SMARCC1: variants seen among roughly 807,000 people sequenced by gnomAD.
SMARCC1 encodes SWI/SNF complex subunit SMARCC1.
In SMARCC1, 43 loss-of-function variants were observed where a neutral mutation model predicts 147.4. That is an observed-to-expected ratio of 0.29 (90% CI 0.23 to 0.38). SMARCC1 has a LOEUF of 0.38. Ranked by LOEUF, SMARCC1 falls within the 10% of genes least tolerant of loss-of-function variation. SMARCC1 has a pLI of 1.00. For synonymous variants in SMARCC1, 495 were observed against 484.4 expected, an observed-to-expected ratio of 1.02 and a Z score of -0.29; for missense variants, 1,119 against 1,381.1, an observed-to-expected ratio of 0.81 and a Z score of 3.01.
intron 26 of SMARCC1, among the ~76,000 whole-genome samples, chr3:47,606,410 A>G (rs1322403697): frequency 1.3e-5 from 2 of 152,188 alleles, no homozygotes; most frequent in African/African-American, 4.8e-5. Flanking sequence ...CTTGCCATGC[A>G]TCAGTTCTTC....
intron 11 of SMARCC1, among the ~76,000 whole-genome samples, chr3:47,697,986 C>T (rs552823668): frequency 1.5e-4 from 15 of 103,076 alleles, no homozygotes; most frequent in South Asian, 3.6e-4. Context: ...CCAGCCTGGG[C>T]GAGAGCGAGC....
At chr3:47,778,294 TG>T (rs1486758136) in intron 1 of SMARCC1, among the ~76,000 whole-genome samples, 2 of 151,650 alleles carry the variant, frequency 1.3e-5, no homozygotes, top group African/African-American at 2.4e-5. Flanking sequence ...TTTTTGTTTT[TG>T]TTTTTTGTTT....
chr3:47,715,595 G>C (rs1050064517), intron 7 of SMARCC1, among the ~76,000 whole-genome samples: 1 of 152,124 alleles, frequency 6.6e-6, no homozygotes, highest in Non-Finnish European at 1.5e-5. Context: ...TTTTCACATA[G>C]CCATTGTGAT....
At chr3:47,678,083 C>A in intron 16 of SMARCC1, 115 bp downstream of exon 16, 1 of 485,454 alleles carries the variant, frequency 2.1e-6, no homozygotes, top group Non-Finnish European at 3.7e-6. Context: ...AATGGCATAA[C>A]TAAAATTAGG....
chr3:47,738,565 TC>T (rs1267672290), intron 3 of SMARCC1, among the ~76,000 whole-genome samples: 4 of 151,864 alleles, frequency 2.6e-5, no homozygotes, highest in African/African-American at 9.7e-5. Flanking sequence ...ACACCTGTAA[TC>T]CCAGCTACTC....
intron 13 of SMARCC1, among the ~76,000 whole-genome samples, chr3:47,688,138 T>G (rs2033750580): frequency 6.6e-6 from 1 of 152,008 alleles, no homozygotes; most frequent in Non-Finnish European, 1.5e-5. Flanking sequence ...TGCATGCCTG[T>G]AATCCCAGCT....
chr3:47,627,472 G>A (rs1301108053), intron 24 of SMARCC1, among the ~76,000 whole-genome samples: 1 of 152,060 alleles, frequency 6.6e-6, no homozygotes, highest in Non-Finnish European at 1.5e-5. Flanking sequence ...AGAATTTAGA[G>A]GAAATATGAA....
chr3:47,604,533 A>C (rs2032437399), intron 26 of SMARCC1: 3 of 332,020 alleles, frequency 9.0e-6, no homozygotes, highest in Non-Finnish European at 1.8e-5. Flanking sequence ...GGCAACTCAG[A>C]GACTAAAGCC....
chr3:47,600,998 T>TGAGAGAGAGAGAGAGAGAGAGA lies in SMARCC1; in HGVS notation c.3043+9046_3043+9067dup, dbSNP rs66582985. ...CCAGCAGACAGGGAGAGGAAGAAAA[T>TGAGAGAGAGAGAGAGAGAGAGA]GAGAGAGAGAGAGAGAGAGAGAGAG... On this transcript the variant is annotated intron_variant, in intron 26 of 27. Coordinates refer to ENST00000254480, the MANE Select transcript of SMARCC1 (RefSeq NM_003074.4). Among the ~76,000 whole-genome samples the TGAGAGAGAGAGAGAGAGAGAGA allele has an allele frequency of 4.8e-4, 41 of 85,200 alleles. 3 individuals are homozygous for TGAGAGAGAGAGAGAGAGAGAGA. Among genetic ancestry groups the TGAGAGAGAGAGAGAGAGAGAGA allele is most frequent in the South Asian group, 1.1e-3 (3 of 2,754 alleles). 55.9% of individuals were successfully genotyped at this position (85,200 alleles called of 152,430 possible). A position where few individuals can be genotyped will look rare whatever the true frequency, so the allele number is the denominator to read the frequency against.
At chr3:47,665,135 C>A (rs2033405725) in intron 19 of SMARCC1, among the ~76,000 whole-genome samples, 1 of 152,050 alleles carries the variant, frequency 6.6e-6, no homozygotes, top group Non-Finnish European at 1.5e-5. Flanking sequence ...ACCTGGACAT[C>A]AATTAATTCT....
chr3:47,780,648 C>T (rs1292318236), intron 1 of SMARCC1, among the ~76,000 whole-genome samples: 1 of 152,160 alleles, frequency 6.6e-6, no homozygotes, highest in Non-Finnish European at 1.5e-5. Flanking sequence ...GTATCAGCCA[C>T]GTTCCCGGAT....
chr3:47,611,683 A>G (rs900926455), intron 25 of SMARCC1, among the ~76,000 whole-genome samples: 4 of 152,212 alleles, frequency 2.6e-5, no homozygotes, highest in Non-Finnish European at 5.9e-5. Flanking sequence ...TGGAATAAGC[A>G]TGAGAATTAG....
chr3:47,673,398 G>GT (rs1491473681), intron 18 of SMARCC1, among the ~76,000 whole-genome samples: 2 of 120,242 alleles, frequency 1.7e-5, no homozygotes, highest in African/African-American at 6.9e-5. Flanking sequence ...AAAAAAAAGG[G>GT]TGGGGGGGGG....
Position 47,678,178 on chromosome 3 carries a change from G to C in SMARCC1, c.1571+20C>G. ...TAAATTCCTACAGTTAAATGTCTCA[G>C]AAAAAGTCAAACAGTTTACCTCATC... On this transcript the variant is annotated intron_variant, in intron 16 of 27. Coordinates refer to ENST00000254480, the MANE Select transcript of SMARCC1 (RefSeq NM_003074.4). The C allele has an allele frequency of 7.0e-7, 1 of 1,419,960 alleles. No individual in the cohort carries two copies. The highest frequency in any genetic ancestry group is 9.8e-7 in the Non-Finnish European group (1 of 1,022,664). 88.0% of individuals were successfully genotyped at this position (1,419,960 alleles called of 1,614,324 possible).
At chr3:47,767,840 C>A (rs1385620479) in intron 2 of SMARCC1, among the ~76,000 whole-genome samples, 1 of 151,364 alleles carries the variant, frequency 6.6e-6, no homozygotes, top group Non-Finnish European at 1.5e-5. Context: ...TGCACTCCAG[C>A]CTGGACAACG....
intron 26 of SMARCC1, among the ~76,000 whole-genome samples, chr3:47,592,145 G>A (rs2032192931): frequency 6.6e-6 from 1 of 152,120 alleles, no homozygotes; most frequent in Non-Finnish European, 1.5e-5. Context: ...GAACACTGAA[G>A]AACACTAAAA....
At chr3:47,771,569 A>AT (rs2106875169) in intron 2 of SMARCC1, among the ~76,000 whole-genome samples, 1 of 151,888 alleles carries the variant, frequency 6.6e-6, no homozygotes, top group African/African-American at 2.4e-5. Context: ...GTGAAACCCC[A>AT]TATCTACTAA....
intron 24 of SMARCC1, among the ~76,000 whole-genome samples, chr3:47,626,893 T>C (rs1011057121): frequency 6.6e-6 from 1 of 151,894 alleles, no homozygotes; most frequent in Admixed American, 6.6e-5. Context: ...CTACATGGAG[T>C]GGAAAAAAAC....
intron 16 of SMARCC1, among the ~76,000 whole-genome samples, chr3:47,677,128 GCTCTGT>G (rs1174076720): frequency 2.0e-5 from 3 of 152,030 alleles, no homozygotes; most frequent in Admixed American, 2.0e-4. Flanking sequence ...ACAGAGTCTC[GCTCTGT>G]CTCTAAGGCT....
Sources: allele counts gnomAD v4.1 joint callset (sites outside exome capture counted in the v4.1 genomes callset), GRCh38; gene constraint gnomAD v4.1.1; transcripts MANE v1.5; gene names NCBI Gene and HGNC (gene_info 2026-07-23, HGNC 2026-07-21).